SGCZ: variants seen among roughly 807,000 people sequenced by gnomAD.
The protein encoded by SGCZ is zeta-sarcoglycan.
Under a neutral mutation model 41.3 loss-of-function variants are expected in SGCZ, and 40 were observed. The ratio of observed to expected loss-of-function variants is 0.97; its 90% CI spans 0.75 to 1.26. SGCZ has a LOEUF of 1.26. Ranked by LOEUF, SGCZ falls within the 50% of genes most tolerant of loss-of-function variation. SGCZ has a pLI of 0.00. For missense variants in SGCZ, 552 were observed against 369.8 expected, an observed-to-expected ratio of 1.49 and a Z score of -4.04; for synonymous variants, 206 against 137.5, an observed-to-expected ratio of 1.50 and a Z score of -3.49.
intron 1 of SGCZ, among the ~76,000 whole-genome samples, chr8:15,151,748 A>G (rs771084556): frequency 2.6e-5 from 4 of 152,238 alleles, no homozygotes; most frequent in African/African-American, 4.8e-5. Context: ...AGCAGTATCA[A>G]TAAGACTTAA....
intron 1 of SGCZ, among the ~76,000 whole-genome samples, chr8:14,952,200 T>C (rs1458111081): frequency 1.3e-5 from 2 of 152,196 alleles, no homozygotes; most frequent in Non-Finnish European, 2.9e-5. Context: ...ATCTGAATTA[T>C]CATTACTGTT....
chr8:14,686,611 A>G (rs537530768), intron 1 of SGCZ, among the ~76,000 whole-genome samples: 10 of 152,198 alleles, frequency 6.6e-5, no homozygotes, highest in African/African-American at 2.4e-4. Flanking sequence ...GATCATGGCT[A>G]TTATTAAGTA....
chr8:15,026,405 G>T (rs1467975130), intron 1 of SGCZ, among the ~76,000 whole-genome samples: 1 of 152,098 alleles, frequency 6.6e-6, no homozygotes, highest in Non-Finnish European at 1.5e-5. Context: ...TTGAAATGCT[G>T]GTGTAGTGTT....
chr8:14,723,610 A>G (rs1166005170), intron 1 of SGCZ, among the ~76,000 whole-genome samples: 1 of 152,100 alleles, frequency 6.6e-6, no homozygotes, highest in Non-Finnish European at 1.5e-5. Flanking sequence ...TTTTCTTCAA[A>G]CATGTAAAAT....
chr8:14,212,677 C>T (rs1046631578), intron 4 of SGCZ, among the ~76,000 whole-genome samples: 1 of 151,964 alleles, frequency 6.6e-6, no homozygotes, highest in African/African-American at 2.4e-5. Context: ...AATTACTCAT[C>T]ATAGCAAGAA....
intron 1 of SGCZ, among the ~76,000 whole-genome samples, chr8:14,800,155 C>A (rs1363184205): frequency 9.4e-6 from 1 of 106,088 alleles, no homozygotes; most frequent in African/African-American, 3.4e-5. Context: ...TATATTTTGC[C>A]TCCTTTTTTT....
chr8:14,533,843 T>G (rs1803212168), intron 2 of SGCZ, among the ~76,000 whole-genome samples: 1 of 151,986 alleles, frequency 6.6e-6, no homozygotes. Flanking sequence ...CTGGGTAAGA[T>G]AGGGTTACAT....
intron 1 of SGCZ, among the ~76,000 whole-genome samples, chr8:14,919,295 G>T (rs1282335048): frequency 6.6e-6 from 1 of 151,936 alleles, no homozygotes; most frequent in African/African-American, 2.4e-5. Context: ...AAAGAAATTA[G>T]CTGGGTGTCG....
At chr8:14,291,488 T>C (rs545192212) in intron 3 of SGCZ, among the ~76,000 whole-genome samples, 9 of 152,162 alleles carry the variant, frequency 5.9e-5, no homozygotes, top group African/African-American at 2.2e-4. Context: ...TGCACTTTTA[T>C]GCTGGTACCA....
chr8:15,184,860 A>T (rs550432356), intron 1 of SGCZ, among the ~76,000 whole-genome samples: 1 of 152,110 alleles, frequency 6.6e-6, no homozygotes, highest in East Asian at 1.9e-4. Context: ...AACATTCATC[A>T]CGCGTTCCCT....
At chr8:15,061,188 G>A (rs1804914056) in intron 1 of SGCZ, among the ~76,000 whole-genome samples, 1 of 152,120 alleles carries the variant, frequency 6.6e-6, no homozygotes, top group Non-Finnish European at 1.5e-5. Context: ...TTAAGAGGGG[G>A]GAACATTTCA....
intron 1 of SGCZ, among the ~76,000 whole-genome samples, chr8:14,931,747 T>C (rs997171995): frequency 1.3e-5 from 2 of 152,080 alleles, no homozygotes; most frequent in Admixed American, 6.5e-5. Context: ...TTAGAAGTCA[T>C]TAAAAAGAGC....
At chr8:15,000,142 T>C (rs796739981) in intron 1 of SGCZ, among the ~76,000 whole-genome samples, 8 of 152,214 alleles carry the variant, frequency 5.3e-5, no homozygotes, top group African/African-American at 1.9e-4. Flanking sequence ...GAAAAAATCA[T>C]ATGATGGGAC....
chr8:14,402,392 G>C (rs1799103041), intron 2 of SGCZ, among the ~76,000 whole-genome samples: 1 of 151,660 alleles, frequency 6.6e-6, no homozygotes, highest in Admixed American at 6.6e-5. Flanking sequence ...GTAATGCCTA[G>C]GTTTTCTTCT....
intron 1 of SGCZ, among the ~76,000 whole-genome samples, chr8:14,724,668 TAA>T (rs1391809031): frequency 1.5e-4 from 21 of 141,240 alleles, no homozygotes; most frequent in Non-Finnish European, 3.0e-4. Flanking sequence ...AGATTATAAA[TAA>T]AAGAGTTATC....
At chr8:14,490,842 A>C (rs1409759950) in intron 2 of SGCZ, among the ~76,000 whole-genome samples, 1 of 152,130 alleles carries the variant, frequency 6.6e-6, no homozygotes, top group African/African-American at 2.4e-5. Flanking sequence ...TCATTTTAAC[A>C]GGTCATTCTT....
chr8:14,946,283 A>C (rs552233275), intron 1 of SGCZ, among the ~76,000 whole-genome samples: 1 of 151,378 alleles, frequency 6.6e-6, no homozygotes, highest in African/African-American at 2.4e-5. Flanking sequence ...TGGAGATGTC[A>C]GTAAACTGTT....
At chr8:14,784,950 T>TTA (rs1800717234) in intron 1 of SGCZ, among the ~76,000 whole-genome samples, 2 of 129,808 alleles carry the variant, frequency 1.5e-5, no homozygotes, top group East Asian at 2.1e-4. Flanking sequence ...TATATATTTT[T>TTA]TATATTATAT....
chr8:14,887,857 A>G (rs1296149387), intron 1 of SGCZ, among the ~76,000 whole-genome samples: 3 of 152,162 alleles, frequency 2.0e-5, no homozygotes. Context: ...ATATAGTTGC[A>G]AAAGACAGAA....
Sources: gnomAD v4.1 joint callset for allele counts (sites outside exome capture counted in the v4.1 genomes callset) on GRCh38, gnomAD v4.1.1 for gene constraint, MANE v1.5 for transcripts, NCBI Gene and HGNC (gene_info 2026-07-23, HGNC 2026-07-21) for gene names.